The following GALNS variants were observed in gnomAD, a reference collection of about 807,000 sequenced individuals.
GALNS encodes the protein N-acetylgalactosamine-6-sulfatase.
In GALNS, 65 loss-of-function variants were observed where a neutral mutation model predicts 65.9. The observed-to-expected ratio is 0.99, with a 90% CI of 0.81 to 1.21. The LOEUF (loss-of-function observed/expected upper bound fraction) is 1.21, where lower values mean the gene tolerates loss of function less well. GALNS is among the 50% of genes most tolerant of loss of function. GALNS has a pLI of 0.00. For synonymous variants in GALNS, 346 were observed against 288.9 expected, an observed-to-expected ratio of 1.20 and a Z score of -2.00; for missense variants, 776 against 700.7, an observed-to-expected ratio of 1.11 and a Z score of -1.21.
chr16:88,856,558 C>T, intron 1 of GALNS, 200 bp downstream of exon 1: 1 of 658,952 alleles, frequency 1.5e-6, no homozygotes, highest in Non-Finnish European at 2.8e-6. Flanking sequence ...CCCCGAGGGG[C>T]CTCCCCCTCC....
At chr16:88,839,943 G>A (rs115004765) in intron 4 of GALNS, among the ~76,000 whole-genome samples, 1,836 of 152,322 alleles carry the variant, frequency 0.012, 35 homozygotes, top group African/African-American at 0.042. Flanking sequence ...AGAGGCCACC[G>A]GCTCTTCCTC....
intron 12 of GALNS, among the ~76,000 whole-genome samples, chr16:88,821,735 G>A (rs569627924): frequency 1.3e-5 from 2 of 152,318 alleles, no homozygotes; most frequent in Non-Finnish European, 2.9e-5. Context: ...CTCAAACCCA[G>A]GCCCATCGGG....
chr16:88,849,628 G>T (rs12598981), intron 1 of GALNS, among the ~76,000 whole-genome samples: 49,627 of 151,910 alleles, frequency 0.33, 9,140 homozygotes, highest in East Asian at 0.6. Context: ...TTGCCACGTT[G>T]CCCAGGCTGG....
rs1368419085 is a variant in GALNS, at chr16:88,815,171, C to T, written c.1483-646G>A. ...ATCATGGGAACTTGGGAGATGGCAC[C>T]CTCTTGACTCGGCCTCTCAGCTCTG... is the stretch of plus-strand genomic sequence containing the variant. On this transcript the variant is annotated intron_variant, in intron 13 of 13. Transcript: ENST00000268695. 6 of 985,356 alleles carry T rather than the reference C, an allele frequency of 6.1e-6. No individual in the cohort carries two copies. In the African/African-American group the frequency reaches 8.7e-5, roughly 14 times the overall value. The allele number at this position is 985,356 out of a possible 1,614,324, so 61.0% of individuals were successfully genotyped here.
At chr16:88,855,797 G>C (rs1967809414) in intron 1 of GALNS, 1 of 521,876 alleles carries the variant, frequency 1.9e-6, no homozygotes, top group Admixed American at 3.4e-5. Context: ...GGCCCCCACT[G>C]GTCAGCACAG....
At chr16:88,842,082 C>T (rs966801288) in intron 2 of GALNS, 111 bp from the exon 3 acceptor site, 4 of 972,926 alleles carry the variant, frequency 4.1e-6, no homozygotes, top group African/African-American at 3.2e-5. Context: ...GAGGCACGCG[C>T]AGGTTTACAA....
chr16:88,854,843 G>C (rs1464910322), intron 1 of GALNS, among the ~76,000 whole-genome samples: 3 of 152,252 alleles, frequency 2.0e-5, no homozygotes, highest in Non-Finnish European at 4.4e-5. Context: ...GTCTGCATCA[G>C]AAAGTCCTTA....
Position 88,836,514 on chromosome 16 carries a change from C to T in GALNS, c.567-247G>A, listed in dbSNP as rs146543079. On this transcript the variant is annotated intron_variant, in intron 5 of 13. Coordinates refer to ENST00000268695, the MANE Select transcript of GALNS (RefSeq NM_000512.5). ...ACTAAAAATACAAAAATTAGCTGGG[C>T]GTGGTGGCGCACGCCTGTAATCCCA... Among the ~76,000 whole-genome samples, 5,056 of 152,268 alleles carry T rather than the reference C, an allele frequency of 0.033. 129 individuals carry two copies. The highest frequency in any genetic ancestry group is 0.082 in the South Asian group (397 of 4,826).
At chr16:88,827,709 G>T (rs1405925202) in intron 9 of GALNS, among the ~76,000 whole-genome samples, 2 of 152,174 alleles carry the variant, frequency 1.3e-5, no homozygotes, top group Non-Finnish European at 2.9e-5. Flanking sequence ...GCCTCCCAAA[G>T]TGCTGGGATT....
chr16:88,815,920 C>G (rs1340672043), intron 13 of GALNS: 1 of 985,312 alleles, frequency 1.0e-6, no homozygotes, highest in Non-Finnish European at 1.2e-6. Context: ...TCCAGGTGGC[C>G]ACACTCCCTC....
intron 1 of GALNS, chr16:88,843,406 T>C: frequency 2.7e-6 from 1 of 376,878 alleles, no homozygotes; most frequent in South Asian, 2.1e-5. Flanking sequence ...CACGACTCAG[T>C]GGCCAAAAGG....
intron 5 of GALNS, among the ~76,000 whole-genome samples, chr16:88,837,241 C>T (rs1275560560): frequency 6.6e-6 from 1 of 152,194 alleles, no homozygotes; most frequent in African/African-American, 2.4e-5. Flanking sequence ...GTGGGGGTTT[C>T]ATCCCACCTC....
rs1966993165 is a variant in GALNS at position 88,841,938 on chromosome 16, A to T, written c.278T>A (p.Ile93Asn). ...RAALLTGRLP[I>N]RNGFYTTNAH... is the part of the protein sequence containing the mutation. Reference sequence around the variant, plus strand: ...GTTGGTGGTGTAGAAGCCATTGCGGATGGGTAGCCGTCCTGTGAGCAGTGC... The same window carrying T: ...GTTGGTGGTGTAGAAGCCATTGCGGTTGGGTAGCCGTCCTGTGAGCAGTGC... Residue 93 changes from isoleucine (I) to asparagine (N), a missense_variant, in exon 3 of 14, where the codon ATC becomes AAC. Ile to Asn is a moderately radical substitution (Grantham distance 149). Transcript: ENST00000268695. 3 of 1,613,516 alleles carry T rather than the reference A, an allele frequency of 1.9e-6. No homozygotes were observed. The highest frequency in any genetic ancestry group is 2.5e-6 in the Non-Finnish European group (3 of 1,179,832).
At chr16:88,855,039 C>T (rs2143011243) in intron 1 of GALNS, 1 of 372,810 alleles carries the variant, frequency 2.7e-6, no homozygotes, top group South Asian at 2.0e-5. Context: ...ACGGCCTGAA[C>T]CCTTGCTGTC....
At position 88,856,937 on chromosome 16, in the gene GALNS, C is replaced by G; in HGVS notation, c.-60G>C. The G allele has an allele frequency of 8.2e-6, 12 of 1,466,012 alleles. No homozygotes were observed. The highest frequency in any genetic ancestry group is 1.1e-5 in the Non-Finnish European group (12 of 1,117,574). 90.8% of individuals were successfully genotyped at this position (1,466,012 alleles called of 1,614,324 possible). ...AGCCGACCTAGCGAGCGTCCGCCGG[C>G]CCTTCCGGCTGGGCTGCGGGGCGGG... On this transcript the variant is annotated 5_prime_UTR_variant, in exon 1 of 14. Coordinates refer to ENST00000268695, the MANE Select transcript of GALNS (RefSeq NM_000512.5).
chr16:88,851,926 G>C (rs893301093), intron 1 of GALNS, among the ~76,000 whole-genome samples: 5 of 152,274 alleles, frequency 3.3e-5, no homozygotes, highest in African/African-American at 1.2e-4. Context: ...ACCTCTAGGA[G>C]CAGGGAATAG....
At chr16:88,837,912 G>T in intron 4 of GALNS, 147 bp from the exon 5 acceptor site, 1 of 783,762 alleles carries the variant, frequency 1.3e-6, no homozygotes. Context: ...GCACGGCAGG[G>T]ACAAAAGACC....
At chr16:88,818,623 C>T (rs1373590410) in intron 12 of GALNS, among the ~76,000 whole-genome samples, 1 of 152,220 alleles carries the variant, frequency 6.6e-6, no homozygotes, top group African/African-American at 2.4e-5. Context: ...CTTTCATCTT[C>T]ACGAAGATAC....
At position 88,856,357 on chromosome 16, in the gene GALNS, G is replaced by C. The variant is rs374436530; in HGVS notation, c.120+401C>G. The C allele has an allele frequency of 1.8e-4, 129 of 701,988 alleles. No individual in the cohort carries two copies. The East Asian group carries it at 3.2e-3, about 18-fold the overall frequency. The allele number at this position is 701,988 out of a possible 1,614,324, so 43.5% of individuals were successfully genotyped here. A position where few individuals can be genotyped will look rare whatever the true frequency, so the allele number is the denominator to read the frequency against. ...CAGGAGCAGCCTCTTCCTCCCTTTG[G>C]GGAGGCCACGCTGCGCGCCCACCTT... On this transcript the variant is annotated intron_variant, in intron 1 of 13. Transcript: ENST00000268695.
Sources: gnomAD v4.1 joint callset for allele counts (sites outside exome capture counted in the v4.1 genomes callset) on GRCh38, gnomAD v4.1.1 for gene constraint, MANE v1.5 for transcripts, NCBI Gene and HGNC (gene_info 2026-07-23, HGNC 2026-07-21) for gene names.